The following FAT3 variants were observed in gnomAD, a reference collection of about 807,000 sequenced individuals.
FAT3 encodes the protein FAT atypical cadherin 3.
In FAT3, 95 loss-of-function variants were observed where a neutral mutation model predicts 310.2. The observed-to-expected ratio is 0.31, with a 90% CI of 0.26 to 0.36. The LOEUF (loss-of-function observed/expected upper bound fraction) is 0.36. Ranked by LOEUF, FAT3 falls within the 10% of genes least tolerant of loss-of-function variation. The pLI is 1.00. For synonymous variants in FAT3, 2,314 were observed against 2,192.9 expected (o/e 1.06, Z -1.54); for missense variants, 5,408 against 5,715.6 (o/e 0.95, Z 1.74).
intron 2 of FAT3, among the ~76,000 whole-genome samples, chr11:92,448,987 A>G (rs1297570185): frequency 6.6e-6 from 1 of 152,124 alleles, no homozygotes; most frequent in African/African-American, 2.4e-5. Context: ...TGGCTGGCTG[A>G]CATTTTATGC....
In FAT3 at chr11:92,799,971, A is replaced by G; in HGVS notation, c.6958A>G (p.Lys2320Glu). The G allele has an allele frequency of 1.2e-6, 2 of 1,613,446 alleles. No homozygotes were observed. Among genetic ancestry groups the G allele is most frequent in the Non-Finnish European group, 1.7e-6 (2 of 1,179,622 alleles). The change falls in exon 10 of 28, where the codon AAA (lysine) becomes GAA (glutamate). Residue 2320 changes from lysine (K) to glutamate (E), a missense_variant. Coordinates refer to ENST00000525166, the MANE Select transcript of FAT3 (RefSeq NM_001367949.2). ...VSIDADSENN[K>E]MVHYQIVQDT... The stretch of plus-strand genomic sequence containing the variant: ...TATTGATGCAGACTCAGAAAACAAT[A>G]AAATGGTACATTATCAGATTGTCCA...
chr11:92,744,654 G>C (rs1945604563), intron 4 of FAT3, among the ~76,000 whole-genome samples: 1 of 151,580 alleles, frequency 6.6e-6, no homozygotes, highest in Non-Finnish European at 1.5e-5. Flanking sequence ...GTAGTATTAG[G>C]GACACAGTAG....
Position 92,355,313 on chromosome 11 carries a change from T to C in FAT3, c.3201T>C (p.Ala1067=). 2 of 1,613,744 alleles carry C rather than the reference T, an allele frequency of 1.2e-6. No individual in the cohort carries two copies. The highest frequency in any genetic ancestry group is 1.7e-6 in the Non-Finnish European group (2 of 1,179,824). ...RIGTSVLQVT[A]RDEDSGRDGE... ...GAACAAGCGTGCTGCAGGTGACTGCTCGAGATGAAGACTCCGGAAGGGATG... is the reference window on the plus strand; with the variant it reads ...GAACAAGCGTGCTGCAGGTGACTGCCCGAGATGAAGACTCCGGAAGGGATG... Residue 1067 remains alanine, a synonymous_variant, in exon 2 of 28, where the codon GCT becomes GCC. Transcript: ENST00000525166.
intron 2 of FAT3, among the ~76,000 whole-genome samples, chr11:92,358,949 T>C (rs1948806281): frequency 6.6e-6 from 1 of 152,174 alleles, no homozygotes; most frequent in African/African-American, 2.4e-5. Flanking sequence ...ATTTAAGTCT[T>C]TTAAAACCTT....
At chr11:92,859,575 T>G (rs1302310847) in intron 21 of FAT3, among the ~76,000 whole-genome samples, 1 of 152,198 alleles carries the variant, frequency 6.6e-6, no homozygotes, top group Non-Finnish European at 1.5e-5. Context: ...CTGGCTTCCT[T>G]TGAGCTGTAA....
chr11:92,706,138 A>T (rs991846223), intron 4 of FAT3, among the ~76,000 whole-genome samples: 1 of 151,658 alleles, frequency 6.6e-6, no homozygotes, highest in Non-Finnish European at 1.5e-5. Context: ...ATGAGATGGG[A>T]GTGAGGTTTA....
Position 92,757,220 on chromosome 11 carries a change from G to C in FAT3, c.3670-4636G>C, listed in dbSNP as rs539993085. 1.3e-3 allele frequency among the ~76,000 whole-genome samples: 203 copies of C among 152,104 alleles called. 1 individual carries two copies. Among genetic ancestry groups the C allele is most frequent in the African/African-American group, 4.6e-3 (190 of 41,486 alleles). ...ATTACAGGCATGAGCCACTGCACCC[G>C]GCCTATTTGTGGCTCCTTTTATTAG... On this transcript the variant is annotated intron_variant, in intron 4 of 27. Transcript: ENST00000525166.
At chr11:92,248,759 A>G (rs992219842) in intron 1 of FAT3, among the ~76,000 whole-genome samples, 2 of 152,082 alleles carry the variant, frequency 1.3e-5, no homozygotes, top group African/African-American at 2.4e-5. Context: ...ACACACTCAC[A>G]TGTATTTTAG....
chr11:92,828,885 G>A (rs977432674), intron 13 of FAT3, among the ~76,000 whole-genome samples: 2 of 152,154 alleles, frequency 1.3e-5, no homozygotes, highest in African/African-American at 2.4e-5. Flanking sequence ...CTGGAACAGA[G>A]GTGATAGAAT....
intron 9 of FAT3, among the ~76,000 whole-genome samples, chr11:92,794,989 A>G (rs1947132630): frequency 6.6e-6 from 1 of 152,210 alleles, no homozygotes; most frequent in African/African-American, 2.4e-5. Flanking sequence ...CTTTTCTCAC[A>G]CACATCAGAT....
intron 3 of FAT3, among the ~76,000 whole-genome samples, chr11:92,572,477 CTG>C (rs1468287887): frequency 1.3e-5 from 2 of 152,196 alleles, no homozygotes; most frequent in African/African-American, 4.8e-5. Context: ...ATGCTGTTCT[CTG>C]TGCAGCTAGA....
chr11:92,890,320 C>T (rs903527112), intron 27 of FAT3, among the ~76,000 whole-genome samples, 171 bp from the exon 28 acceptor site: 1 of 152,232 alleles, frequency 6.6e-6, no homozygotes, highest in Non-Finnish European at 1.5e-5. Context: ...GTTGCCATCA[C>T]CTTGTTGTCC....
chr11:92,882,614 G>C, intron 23 of FAT3, 124 bp from the exon 24 acceptor site: 1 of 515,684 alleles, frequency 1.9e-6, no homozygotes, highest in Non-Finnish European at 2.9e-6. Flanking sequence ...TCTTTGTCCT[G>C]CTTCATCTGT....
intron 2 of FAT3, among the ~76,000 whole-genome samples, chr11:92,465,106 A>G (rs922303698): frequency 6.6e-5 from 10 of 152,196 alleles, no homozygotes; most frequent in Non-Finnish European, 2.9e-5. Context: ...AGGGTAACTA[A>G]TATTTGCAGC....
chr11:92,795,769 G>A (rs564769043), intron 9 of FAT3, among the ~76,000 whole-genome samples: 1 of 152,232 alleles, frequency 6.6e-6, no homozygotes, highest in East Asian at 1.9e-4. Context: ...TTAGCCAGGT[G>A]TAGTGGTGCC....
chr11:92,866,802 T>A lies in FAT3; in HGVS notation c.11720T>A (p.Ile3907Asn), dbSNP rs2136347575. Residue 3907 changes from isoleucine (I) to asparagine (N), a missense_variant, in exon 22 of 28, where the codon ATC becomes AAC. This residue lies in a region of FAT3 where 4,588 missense variants were observed against 4,809.8 expected (regional missense o/e 0.95). Coordinates refer to ENST00000525166, the MANE Select transcript of FAT3 (RefSeq NM_001367949.2). The part of the protein sequence containing the change: ...DCGSGPGILG[I>N]SGRAVNDGSW... ...GGCAGCGGCCCTGGAATCTTGGGCA[T>A]CTCGGGCCGTGCTGTCAACGACGGG... 6.2e-7 allele frequency: 1 copy of A among 1,613,900 alleles called. No individual in the cohort carries two copies. Among genetic ancestry groups the A allele is most frequent in the East Asian group, 2.2e-5 (1 of 44,874 alleles).
At chr11:92,715,008 T>A (rs919904005) in intron 4 of FAT3, among the ~76,000 whole-genome samples, 6 of 152,060 alleles carry the variant, frequency 3.9e-5, no homozygotes, top group Admixed American at 3.9e-4. Context: ...GGGGTATGGG[T>A]TGTTTTTTGT....
intron 4 of FAT3, among the ~76,000 whole-genome samples, chr11:92,735,559 T>TAGAC (rs1421674748): frequency 3.6e-5 from 2 of 55,344 alleles, no homozygotes; most frequent in Admixed American, 3.5e-4. Context: ...TGGATGAGCA[T>TAGAC]AGATAGATAG....
intron 3 of FAT3, among the ~76,000 whole-genome samples, chr11:92,626,522 T>C (rs1213166312): frequency 1.3e-5 from 2 of 151,946 alleles, no homozygotes; most frequent in Admixed American, 6.6e-5. Flanking sequence ...TCTTAGTGAG[T>C]TCATTTATAA....
Sources: allele counts gnomAD v4.1 joint callset (sites outside exome capture counted in the v4.1 genomes callset), GRCh38; gene constraint gnomAD v4.1.1; regional missense constraint gnomAD v4.1.1; transcripts MANE v1.5; gene names NCBI Gene and HGNC (gene_info 2026-07-23, HGNC 2026-07-21).